Variants in DMP1 observed in about 807,000 individuals in gnomAD.
The protein encoded by DMP1 is dentin matrix acidic phosphoprotein 1.
In DMP1, 20 loss-of-function variants were observed where a neutral mutation model predicts 14.6. The ratio of observed to expected loss-of-function variants is 1.37; its 90% CI spans 0.96 to 1.99. The LOEUF (loss-of-function observed/expected upper bound fraction) is 1.99. Ranked by LOEUF, DMP1 falls within the 30% of genes most tolerant of loss-of-function variation. The probability of loss-of-function intolerance (pLI) is 0.00; values close to 1 mark genes in which losing one functional copy is unlikely to be tolerated. For missense variants in DMP1, 567 were observed against 620.5 expected (o/e 0.91, Z 0.92); for synonymous variants, 197 against 215.3 (o/e 0.91, Z 0.75).
In DMP1 at chr4:87,656,991, A is replaced by G. The variant is rs769988025; in HGVS notation, c.55-41A>G. 4 of 1,242,098 alleles carry G rather than the reference A, an allele frequency of 3.2e-6. No individual in the cohort carries two copies. In the South Asian group the frequency reaches 4.8e-5, roughly 15 times the overall value. 76.9% of individuals were successfully genotyped at this position (1,242,098 alleles called of 1,614,324 possible). A position where few individuals can be genotyped will look rare whatever the true frequency, so the allele number is the denominator to read the frequency against. On this transcript the variant is annotated intron_variant, in intron 2 of 5. Coordinates refer to ENST00000339673, the MANE Select transcript of DMP1 (RefSeq NM_004407.4). ...AATGTGTTAATAACTATTGCTTTAG[A>G]AATTTCTCTTTGGATTTACCATGTG...
Position 87,663,281 on chromosome 4 carries a change from T to C in DMP1, c.1503T>C (p.Ile501=). 1 of 1,614,208 alleles carries C rather than the reference T, an allele frequency of 6.2e-7. No homozygotes were observed. Among genetic ancestry groups the C allele is most frequent in the Non-Finnish European group, 8.5e-7 (1 of 1,180,042 alleles). The part of the protein sequence containing the change: ...LTVDAYHNKP[I]GDQDDNDCQD... ...TTGATGCCTATCACAACAAACCCAT[T>C]GGGGACCAAGATGACAATGACTGCC... The change falls in exon 6 of 6, where the codon ATT becomes ATC. Residue 501 remains isoleucine (I), a synonymous_variant. Transcript: ENST00000339673.
chr4:87,661,865 T>C (rs2110016064), intron 5 of DMP1, 97 bp from the exon 6 acceptor site: 1 of 1,602,998 alleles, frequency 6.2e-7, no homozygotes, highest in Non-Finnish European at 8.5e-7. Context: ...GGAGGGGATG[T>C]AGGGCGAAGG....
In DMP1 at chr4:87,663,676, G is replaced by A. The variant is rs1387309519; in HGVS notation, c.*356G>A. 2.8e-6 allele frequency: 1 copy of A among 358,294 alleles called. No homozygotes were observed. Among genetic ancestry groups the A allele is most frequent in the Non-Finnish European group, 5.3e-6 (1 of 187,932 alleles). The allele number at this position is 358,294 out of a possible 1,614,324, so 22.2% of individuals were successfully genotyped here. On this transcript the variant is annotated 3_prime_UTR_variant, in exon 6 of 6. Coordinates refer to ENST00000339673, the MANE Select transcript of DMP1 (RefSeq NM_004407.4). ...GTGTTGAGAATGTAAAGCAGGTTAA[G>A]ACTTGTTTCTTGCTCCTGAGGAGCG...
Position 87,664,237 on chromosome 4 carries a change from C to T in DMP1, c.*917C>T, listed in dbSNP as rs1729024976. 2 of 152,556 alleles carry T rather than the reference C, an allele frequency of 1.3e-5. No individual in the cohort carries two copies. The highest frequency in any genetic ancestry group is 2.9e-5 in the Non-Finnish European group (2 of 68,020). 9.5% of individuals were successfully genotyped at this position (152,556 alleles called of 1,614,324 possible). On this transcript the variant is annotated 3_prime_UTR_variant, in exon 6 of 6. Coordinates refer to ENST00000339673, the MANE Select transcript of DMP1 (RefSeq NM_004407.4). ...TGCAATGCTAGAAAAAAACTGTTCT[C>T]TGAGTCCTTTACAGAGCAAAATTCT...
chr4:87,663,450 A>G lies in DMP1; in HGVS notation c.*130A>G. 3 of 1,364,032 alleles carry G rather than the reference A, an allele frequency of 2.2e-6. No individual in the cohort carries two copies. The highest frequency in any genetic ancestry group is 3.1e-6 in the Non-Finnish European group (3 of 974,170). 84.5% of individuals were successfully genotyped at this position (1,364,032 alleles called of 1,614,324 possible). A position where few individuals can be genotyped will look rare whatever the true frequency, so the allele number is the denominator to read the frequency against. On this transcript the variant is annotated 3_prime_UTR_variant, in exon 6 of 6. Transcript: ENST00000339673. ...AGATGCCATATTTTTCCTGAAAGGAATTGCTGGACATTACACTTGTTTTTA... is the reference window on the plus strand; with the variant it reads ...AGATGCCATATTTTTCCTGAAAGGAGTTGCTGGACATTACACTTGTTTTTA...
Position 87,662,197 on chromosome 4 carries a change from C to T in DMP1, c.419C>T (p.Ser140Phe), listed in dbSNP as rs1728915744. 1 of 1,614,196 alleles carries T rather than the reference C, an allele frequency of 6.2e-7. No individual in the cohort carries two copies. The highest frequency in any genetic ancestry group is 8.5e-7 in the Non-Finnish European group (1 of 1,180,040). The change falls in exon 6 of 6, where the codon TCT (serine) becomes TTT (phenylalanine). Residue 140 changes from serine (S) to phenylalanine (F), a missense_variant. Physicochemically the swap from Ser to Phe is radical, Grantham distance 155 (BLOSUM62 -2). Coordinates refer to ENST00000339673, the MANE Select transcript of DMP1 (RefSeq NM_004407.4). ...TCCAGACTGGGAAGTGATGAGGACT[C>T]TGATGACACCATACAAGCCAGTGAA... is the stretch of plus-strand genomic sequence containing the variant. ...GNSRLGSDED[S>F]DDTIQASEES...
intron 1 of DMP1, among the ~76,000 whole-genome samples, chr4:87,655,668 T>TTG (rs146925985): frequency 0.026 from 3,979 of 150,348 alleles, 188 homozygotes; most frequent in African/African-American, 0.09. Flanking sequence ...TTAGAAGCCA[T>TTG]TGTGTGTGTG....
At chr4:87,650,511 A>G (rs1443245398) in intron 1 of DMP1, 127 bp downstream of exon 1, 2 of 152,232 alleles carry the variant, frequency 1.3e-5, no homozygotes, top group African/African-American at 4.8e-5. Flanking sequence ...CGCTTTGGGT[A>G]AAAACAGTTC....
intron 1 of DMP1, among the ~76,000 whole-genome samples, chr4:87,654,297 G>T (rs1229768814): frequency 2.6e-5 from 4 of 152,154 alleles, no homozygotes; most frequent in African/African-American, 9.7e-5. Flanking sequence ...GGGAAAGAGG[G>T]ATTCTAGTTT....
chr4:87,653,407 A>ATAT lies in DMP1; in HGVS notation c.-22+3024_-22+3026dup, dbSNP rs1553906480. Among the ~76,000 whole-genome samples, 214 of 104,164 alleles carry ATAT rather than the reference A, an allele frequency of 2.1e-3. 4 individuals are homozygous for ATAT. Among genetic ancestry groups the ATAT allele is most frequent in the Non-Finnish European group, 3.7e-3 (186 of 50,400 alleles). The allele number at this position is 104,164 out of a possible 152,430, so 68.3% of individuals were successfully genotyped here. A position where few individuals can be genotyped will look rare whatever the true frequency, so the allele number is the denominator to read the frequency against. The stretch of plus-strand genomic sequence containing the variant: ...GAGTGATATATATATATATATATAT[A>ATAT]TATATATATATATATATATATATAT... On this transcript the variant is annotated intron_variant, in intron 1 of 5. Coordinates refer to ENST00000339673, the MANE Select transcript of DMP1 (RefSeq NM_004407.4).
At chr4:87,656,430 T>C (rs1560490905) in intron 1 of DMP1, 42 bp from the exon 2 acceptor site, 1 of 1,163,516 alleles carries the variant, frequency 8.6e-7, no homozygotes, top group Non-Finnish European at 1.3e-6. Context: ...AACTACTTTA[T>C]TCCTTTAACA....
At chr4:87,654,957 C>G (rs1440300558) in intron 1 of DMP1, among the ~76,000 whole-genome samples, 1 of 152,138 alleles carries the variant, frequency 6.6e-6, no homozygotes, top group Non-Finnish European at 1.5e-5. Flanking sequence ...TCAGGGCCCA[C>G]AGGAATTTCC....
At position 87,663,125 on chromosome 4, in the gene DMP1, T is replaced by C. The variant is rs751854305; in HGVS notation, c.1347T>C (p.Ser449=). ...SAESQSEESH[S]EEDDSDSQDS... The stretch of plus-strand genomic sequence containing the variant: ...AGAGTCAGAGCGAGGAAAGCCATTC[T>C]GAGGAAGACGACAGTGACTCTCAAG... The change falls in exon 6 of 6, where the codon TCT becomes TCC. Residue 449 remains serine (S), a synonymous_variant. Transcript: ENST00000339673. 1 of 1,614,150 alleles carries C rather than the reference T, an allele frequency of 6.2e-7. No homozygotes were observed. Among genetic ancestry groups the C allele is most frequent in the Non-Finnish European group, 8.5e-7 (1 of 1,180,034 alleles).
chr4:87,656,453 T>A lies in DMP1; in HGVS notation c.-21-19T>A. 1.4e-6 allele frequency: 2 copies of A among 1,393,334 alleles called. No homozygotes were observed. Among genetic ancestry groups the A allele is most frequent in the Non-Finnish European group, 2.0e-6 (2 of 978,728 alleles). 86.3% of individuals were successfully genotyped at this position (1,393,334 alleles called of 1,614,324 possible). On this transcript the variant is annotated intron_variant, in intron 1 of 5. Transcript: ENST00000339673. ...TATTCCTTTAACATGGAGAGAAACA[T>A]CTATGTCCTTCATTCCAGGTAGAGG...
At chr4:87,661,838 A>C in intron 5 of DMP1, 124 bp from the exon 6 acceptor site, 3 of 1,559,426 alleles carry the variant, frequency 1.9e-6, no homozygotes, top group Non-Finnish European at 1.7e-6. Context: ...GAGTAGTAAA[A>C]CTGACCGTAG....
intron 1 of DMP1, among the ~76,000 whole-genome samples, chr4:87,654,135 C>T (rs533082511): frequency 1.3e-5 from 2 of 152,230 alleles, no homozygotes; most frequent in South Asian, 2.1e-4. Context: ...CTCTGCAATG[C>T]GGGTCTTATG....
chr4:87,661,204 A>AT (rs70957272), intron 5 of DMP1, among the ~76,000 whole-genome samples: 2,110 of 66,580 alleles, frequency 0.032, 506 homozygotes, highest in Non-Finnish European at 0.042. Context: ...CAGCCAGCTA[A>AT]TTTTTTTTTT....
At chr4:87,659,353 A>G in intron 4 of DMP1, 78 bp from the exon 5 acceptor site, 1 of 1,594,460 alleles carries the variant, frequency 6.3e-7, no homozygotes, top group Non-Finnish European at 8.6e-7. Flanking sequence ...TCCAGACTGG[A>G]AGCAATTGAT....
In DMP1 at chr4:87,662,990, A is replaced by T; in HGVS notation, c.1212A>T (p.Ala404=). 6.2e-7 allele frequency: 1 copy of T among 1,614,218 alleles called. No homozygotes were observed. Among genetic ancestry groups the T allele is most frequent in the South Asian group, 1.1e-5 (1 of 91,084 alleles). ...HSKSESREEQ[A]DSESSESLNF... ...AAAGTGAATCCAGAGAGGAGCAAGC[A>T]GACAGCGAATCCAGTGAGAGCCTCA... Residue 404 remains alanine (A), a synonymous_variant, in exon 6 of 6, where the codon GCA becomes GCT. Transcript: ENST00000339673.
Sources: allele counts gnomAD v4.1 joint callset (sites outside exome capture counted in the v4.1 genomes callset), GRCh38; gene constraint gnomAD v4.1.1; transcripts MANE v1.5; gene names NCBI Gene and HGNC (gene_info 2026-07-23, HGNC 2026-07-21).